The following LPP variants were observed in gnomAD, a reference collection of about 807,000 sequenced individuals.
LPP encodes the protein LIM domain containing preferred translocation partner in lipoma, also known as lipoma-preferred partner.
A neutral mutation model predicts 60.4 loss-of-function variants in LPP; 38 were observed. The ratio of observed to expected loss-of-function variants is 0.63; its 90% confidence interval spans 0.49 to 0.83. The LOEUF is 0.83. Among genes scored for constraint, LPP ranks in the 40% least tolerant of loss-of-function variants. The probability of loss-of-function intolerance (pLI) is 0.00; values close to 1 mark genes in which losing one functional copy is unlikely to be tolerated. For missense variants in LPP, 902 were observed against 783.6 expected (o/e 1.15, Z -1.80); for synonymous variants, 328 against 290.8 (o/e 1.13, Z -1.30).
At chr3:188,346,600 C>T (rs1407766605) in intron 3 of LPP, among the ~76,000 whole-genome samples, 1 of 151,998 alleles carries the variant, frequency 6.6e-6, no homozygotes, top group Non-Finnish European at 1.5e-5. Context: ...TGTGTATGTG[C>T]GTGCACACGT....
intron 6 of LPP, among the ~76,000 whole-genome samples, chr3:188,571,872 A>G (rs1833615780): frequency 6.6e-6 from 1 of 152,084 alleles, no homozygotes; most frequent in Non-Finnish European, 1.5e-5. Context: ...TTCCTCTCAC[A>G]TATGTCATCA....
chr3:188,517,884 A>G (rs915058107), intron 5 of LPP, among the ~76,000 whole-genome samples: 2 of 151,932 alleles, frequency 1.3e-5, no homozygotes, highest in Admixed American at 6.6e-5. Context: ...TGTATCAGTG[A>G]CCTCCCCATG....
At chr3:188,804,246 TATATATATATA>T in intron 9 of LPP, among the ~76,000 whole-genome samples, 2 of 55,628 alleles carry the variant, frequency 3.6e-5, no homozygotes, top group African/African-American at 1.3e-4. Context: ...TGCATCTTTA[TATATATATATA>T]TATATATATA....
At chr3:188,545,307 GC>G (rs1826318517) in intron 6 of LPP, among the ~76,000 whole-genome samples, 2 of 146,420 alleles carry the variant, frequency 1.4e-5, no homozygotes, top group Non-Finnish European at 1.5e-5. Context: ...AGCTATAAAA[GC>G]CTTTAGAAAA....
At chr3:188,218,500 C>T (rs1362727329) in intron 1 of LPP, among the ~76,000 whole-genome samples, 1 of 152,216 alleles carries the variant, frequency 6.6e-6, no homozygotes, top group Non-Finnish European at 1.5e-5. Context: ...TCATCTAAAA[C>T]TCATTTCTGA....
At chr3:188,789,283 C>T (rs575235797) in intron 9 of LPP, among the ~76,000 whole-genome samples, 1 of 148,518 alleles carries the variant, frequency 6.7e-6, no homozygotes, top group Non-Finnish European at 1.5e-5. Context: ...GTTCTGGAAC[C>T]CTTTTTGTTG....
intron 8 of LPP, among the ~76,000 whole-genome samples, chr3:188,724,229 A>G (rs1235489064): frequency 6.6e-6 from 1 of 152,162 alleles, no homozygotes; most frequent in Non-Finnish European, 1.5e-5. Context: ...GAATCTAGTA[A>G]TTAGAGTTGC....
intron 2 of LPP, among the ~76,000 whole-genome samples, chr3:188,240,514 T>G (rs1723980380): frequency 6.6e-6 from 1 of 152,234 alleles, no homozygotes; most frequent in African/African-American, 2.4e-5. Context: ...TTTGACTGCT[T>G]TATTTTGTAG....
intron 3 of LPP, among the ~76,000 whole-genome samples, chr3:188,358,942 G>T (rs150186460): frequency 1.7e-4 from 26 of 152,272 alleles, no homozygotes; most frequent in Admixed American, 1.2e-3. Context: ...GCTCTATTAG[G>T]TGCTGACAGT....
At chr3:188,648,072 C>G (rs1851428609) in intron 7 of LPP, among the ~76,000 whole-genome samples, 1 of 152,138 alleles carries the variant, frequency 6.6e-6, no homozygotes, top group Non-Finnish European at 1.5e-5. Flanking sequence ...CAATAGAACA[C>G]TACATAAATA....
intron 8 of LPP, chr3:188,712,328 G>A (rs567020844): frequency 6.6e-6 from 1 of 152,230 alleles, no homozygotes; most frequent in Non-Finnish European, 1.5e-5. Flanking sequence ...GGGTGTTCAG[G>A]ACACCCAAAT....
At chr3:188,828,000 G>A (rs1756038528) in intron 9 of LPP, among the ~76,000 whole-genome samples, 1 of 151,970 alleles carries the variant, frequency 6.6e-6, no homozygotes, top group Admixed American at 6.6e-5. Flanking sequence ...TCCCTAATGA[G>A]ACAGGCTCAC....
At chr3:188,552,657 G>A (rs1579895566) in intron 6 of LPP, among the ~76,000 whole-genome samples, 1 of 151,930 alleles carries the variant, frequency 6.6e-6, no homozygotes, top group Admixed American at 6.6e-5. Context: ...CTTGGCTCTC[G>A]GACTCTGTCT....
chr3:188,390,659 T>C (rs866877991), intron 3 of LPP, among the ~76,000 whole-genome samples: 1 of 151,720 alleles, frequency 6.6e-6, no homozygotes, highest in African/African-American at 2.4e-5. Context: ...CCTTCTCATT[T>C]ATGAGTTTCA....
intron 7 of LPP, chr3:188,688,906 C>T (rs1489348617): frequency 2.0e-6 from 1 of 512,508 alleles, no homozygotes; most frequent in South Asian, 1.5e-5. Context: ...CAGTGTTAAT[C>T]CTAGATTACA....
intron 8 of LPP, among the ~76,000 whole-genome samples, chr3:188,734,905 A>C (rs1721957325): frequency 6.6e-6 from 1 of 152,032 alleles, no homozygotes; most frequent in South Asian, 2.1e-4. Context: ...AATTGGAGAC[A>C]CTCGGTGTCA....
chr3:188,770,610 T>G (rs1402962277), intron 9 of LPP, among the ~76,000 whole-genome samples: 1 of 152,106 alleles, frequency 6.6e-6, no homozygotes, highest in Non-Finnish European at 1.5e-5. Context: ...CCTAATATTC[T>G]CTATTAGAAG....
intron 7 of LPP, among the ~76,000 whole-genome samples, chr3:188,675,335 A>G (rs183361235): frequency 6.6e-6 from 1 of 152,316 alleles, no homozygotes; most frequent in East Asian, 1.9e-4. Flanking sequence ...GCTAGCCTGG[A>G]TCTTCATTTT....
At chr3:188,602,721 T>A (rs1389425306) in intron 6 of LPP, among the ~76,000 whole-genome samples, 1 of 100,476 alleles carries the variant, frequency 1.0e-5, no homozygotes. Flanking sequence ...AGAGAAAGAT[T>A]ATTTATTAAA....
Sources: gnomAD v4.1 joint callset for allele counts (sites outside exome capture counted in the v4.1 genomes callset) on GRCh38, gnomAD v4.1.1 for gene constraint, MANE v1.5 for transcripts, NCBI Gene and HGNC (gene_info 2026-07-23, HGNC 2026-07-21) for gene names.